The following TAFA1 variants were observed in gnomAD, a reference collection of about 807,000 sequenced individuals.
TAFA1 encodes TAFA chemokine like family member 1.
In TAFA1, 4 loss-of-function variants were observed where a neutral mutation model predicts 18.5. The observed-to-expected ratio is 0.22, with a 90% confidence interval of 0.11 to 0.49. The LOEUF is 0.49. Ranked by LOEUF, TAFA1 falls within the 20% of genes least tolerant of loss-of-function variation. TAFA1 has a pLI of 0.98. For missense variants in TAFA1, 147 were observed against 169.0 expected, an observed-to-expected ratio of 0.87 and a Z score of 0.72; for synonymous variants, 56 against 55.2, an observed-to-expected ratio of 1.01 and a Z score of -0.06.
At chr3:68,518,708 G>A (rs1164785250) in intron 3 of TAFA1, among the ~76,000 whole-genome samples, 2 of 152,106 alleles carry the variant, frequency 1.3e-5, no homozygotes, top group Admixed American at 1.3e-4. Flanking sequence ...CTGAGATAGG[G>A]GGAATGGAAC....
At chr3:68,304,538 G>A (rs992770575) in intron 2 of TAFA1, among the ~76,000 whole-genome samples, 14 of 152,104 alleles carry the variant, frequency 9.2e-5, no homozygotes, top group Non-Finnish European at 1.9e-4. Flanking sequence ...GTTTGCAGAT[G>A]TTATTTTATT....
intron 2 of TAFA1, among the ~76,000 whole-genome samples, chr3:68,242,462 AAATT>A (rs2067011661): frequency 6.6e-6 from 1 of 152,212 alleles, no homozygotes; most frequent in African/African-American, 2.4e-5. Context: ...AGCAGTGTCT[AAATT>A]AATGAGGTTT....
intron 2 of TAFA1, among the ~76,000 whole-genome samples, chr3:68,327,631 A>G (rs983962): frequency 0.95 from 144,613 of 152,266 alleles, 69,113 homozygotes; most frequent in East Asian, 1. Flanking sequence ...GGGTCAATTC[A>G]TATAAATCCT....
At chr3:68,337,012 C>T (rs761952150) in intron 2 of TAFA1, among the ~76,000 whole-genome samples, 1 of 152,268 alleles carries the variant, frequency 6.6e-6, no homozygotes, top group South Asian at 2.1e-4. Context: ...CGTGAGCCAC[C>T]GTGCCCGGCC....
intron 3 of TAFA1, among the ~76,000 whole-genome samples, chr3:68,472,639 G>A (rs2072022376): frequency 6.6e-6 from 1 of 151,778 alleles, no homozygotes; most frequent in African/African-American, 2.4e-5. Flanking sequence ...TTGTAGTTTA[G>A]CAAAATGTTA....
chr3:68,474,567 G>A (rs2106957173), intron 3 of TAFA1, among the ~76,000 whole-genome samples: 1 of 152,338 alleles, frequency 6.6e-6, no homozygotes, highest in African/African-American at 2.4e-5. Flanking sequence ...TTGGTCTCTA[G>A]TAACCTGAAA....
At chr3:68,098,643 T>C (rs1324966291) in intron 2 of TAFA1, among the ~76,000 whole-genome samples, 2 of 151,914 alleles carry the variant, frequency 1.3e-5, no homozygotes, top group African/African-American at 4.8e-5. Flanking sequence ...CAATGAAGGG[T>C]AGTAAGTGCT....
chr3:68,542,938 G>C (rs1037276581), intron 4 of TAFA1, among the ~76,000 whole-genome samples: 10 of 152,266 alleles, frequency 6.6e-5, no homozygotes, highest in African/African-American at 2.2e-4. Context: ...GGATGACTTA[G>C]AGTTCTGTCC....
chr3:68,272,595 G>A (rs891519900), intron 2 of TAFA1, among the ~76,000 whole-genome samples: 4 of 152,124 alleles, frequency 2.6e-5, no homozygotes, highest in Admixed American at 2.6e-4. Flanking sequence ...TTTTTAAAAA[G>A]AAAGGTATTA....
At chr3:68,107,624 C>T (rs2065217557) in intron 2 of TAFA1, among the ~76,000 whole-genome samples, 1 of 152,096 alleles carries the variant, frequency 6.6e-6, no homozygotes, top group South Asian at 2.1e-4. Context: ...TACTTCTGAA[C>T]TGTCAAGCGA....
chr3:68,370,506 A>ATATATATATATATG lies in TAFA1; in HGVS notation c.119-46764_119-46763insTATGTATATATATA, dbSNP rs1162156955. ...TATATATATATATATATATATATAT[A>ATATATATATATATG]TATATATATACCCACATATGTATTT... On this transcript the variant is annotated intron_variant, in intron 2 of 4. Coordinates refer to ENST00000478136, the MANE Select transcript of TAFA1 (RefSeq NM_213609.4). 4.9e-3 allele frequency among the ~76,000 whole-genome samples: 366 copies of ATATATATATATATG among 75,088 alleles called. 12 individuals carry two copies. The highest frequency in any genetic ancestry group is 9.4e-3 in the South Asian group (17 of 1,814). 49.3% of individuals were successfully genotyped at this position (75,088 alleles called of 152,430 possible). A position where few individuals can be genotyped will look rare whatever the true frequency, so the allele number is the denominator to read the frequency against.
At chr3:68,282,379 C>T (rs535192029) in intron 2 of TAFA1, among the ~76,000 whole-genome samples, 16 of 151,970 alleles carry the variant, frequency 1.1e-4, no homozygotes, top group South Asian at 4.2e-4. Context: ...TGTGCATAAT[C>T]CTTCCAATGA....
At chr3:68,065,720 TTGTGTGTA>T (rs2064666326) in intron 2 of TAFA1, among the ~76,000 whole-genome samples, 1 of 110,688 alleles carries the variant, frequency 9.0e-6, no homozygotes, top group East Asian at 2.4e-4. Context: ...ACATAGATGT[TTGTGTGTA>T]TGTGTGTGTG....
chr3:68,424,417 T>A (rs2071016414), intron 3 of TAFA1, among the ~76,000 whole-genome samples: 1 of 152,086 alleles, frequency 6.6e-6, no homozygotes, highest in Non-Finnish European at 1.5e-5. Context: ...TTGATTCATT[T>A]TCCCCAAGAA....
At position 68,145,233 on chromosome 3, in the gene TAFA1, T is replaced by C. The variant is rs978041226; in HGVS notation, c.118+138489T>C. ...TCTGAACTTGGGGGAATTTGGTCAG[T>C]AGGACGAAGAGTCTGGCAGAGAGAT... On this transcript the variant is annotated intron_variant, in intron 2 of 4. Coordinates refer to ENST00000478136, the MANE Select transcript of TAFA1 (RefSeq NM_213609.4). 3.8e-6 allele frequency: 3 copies of C among 790,022 alleles called. No homozygotes were observed. The African/African-American group carries it at 5.1e-5, about 13-fold the overall frequency. 48.9% of individuals were successfully genotyped at this position (790,022 alleles called of 1,614,324 possible). A position where few individuals can be genotyped will look rare whatever the true frequency, so the allele number is the denominator to read the frequency against.
At chr3:68,294,428 A>T (rs1188530031) in intron 2 of TAFA1, among the ~76,000 whole-genome samples, 1 of 152,216 alleles carries the variant, frequency 6.6e-6, no homozygotes, top group Non-Finnish European at 1.5e-5. Context: ...CAACTCTTCA[A>T]ATCCAATGTA....
At chr3:68,303,745 G>C (rs565416848) in intron 2 of TAFA1, among the ~76,000 whole-genome samples, 1 of 151,980 alleles carries the variant, frequency 6.6e-6, no homozygotes, top group Non-Finnish European at 1.5e-5. Context: ...CACCGTGCCC[G>C]GCCTGAAAAC....
chr3:68,071,777 G>C (rs900763297), intron 2 of TAFA1, among the ~76,000 whole-genome samples: 2 of 152,076 alleles, frequency 1.3e-5, no homozygotes, highest in African/African-American at 4.8e-5. Flanking sequence ...TCGGCTTCTG[G>C]GGAGGCCTCA....
intron 3 of TAFA1, among the ~76,000 whole-genome samples, chr3:68,516,923 G>A (rs9847105): frequency 0.79 from 120,085 of 151,958 alleles, 47,534 homozygotes; most frequent in East Asian, 0.9. Context: ...ACAGGCATGC[G>A]CCACCACACC....
Sources: gnomAD v4.1 joint callset for allele counts (sites outside exome capture counted in the v4.1 genomes callset) on GRCh38, gnomAD v4.1.1 for gene constraint, MANE v1.5 for transcripts, NCBI Gene and HGNC (gene_info 2026-07-23, HGNC 2026-07-21) for gene names.